ELK3: variants seen among roughly 807,000 people sequenced by gnomAD.
The protein encoded by ELK3 is ETS transcription factor ELK3, also known as ETS domain-containing protein Elk-3.
A neutral mutation model predicts 28.9 loss-of-function variants in ELK3; 10 were observed. The observed-to-expected ratio is 0.35, with a 90% confidence interval of 0.21 to 0.59. The LOEUF (loss-of-function observed/expected upper bound fraction) is 0.59, where lower values mean the gene tolerates loss of function less well. ELK3 is among the 20% of genes least tolerant of loss of function. The pLI, the probability that ELK3 is intolerant of heterozygous loss-of-function variation, is 0.82. For missense variants in ELK3, 463 were observed against 517.3 expected, an observed-to-expected ratio of 0.90 and a Z score of 1.02; for synonymous variants, 272 against 243.5, an observed-to-expected ratio of 1.12 and a Z score of -1.09.
At chr12:96,233,552 TCTTAA>T (rs375359832) in intron 2 of ELK3, among the ~76,000 whole-genome samples, 6 of 152,218 alleles carry the variant, frequency 3.9e-5, no homozygotes, top group Non-Finnish European at 5.9e-5. Flanking sequence ...CGCATCACCT[TCTTAA>T]CTTAATTGGA....
chr12:96,263,291 G>A (rs529030398), intron 4 of ELK3, among the ~76,000 whole-genome samples: 7 of 152,170 alleles, frequency 4.6e-5, no homozygotes, highest in African/African-American at 1.4e-4. Context: ...GAGAGGCACC[G>A]AAGACATTGT....
chr12:96,214,295 G>T (rs781492997), intron 1 of ELK3, among the ~76,000 whole-genome samples: 14 of 152,092 alleles, frequency 9.2e-5, no homozygotes, highest in Non-Finnish European at 1.3e-4. Flanking sequence ...GCCGGAGGCA[G>T]TGGTGTGCGC....
chr12:96,202,237 C>G (rs187919069), intron 1 of ELK3, among the ~76,000 whole-genome samples: 151 of 152,296 alleles, frequency 9.9e-4, no homozygotes, highest in African/African-American at 3.4e-3. Context: ...AAGACCAAAA[C>G]CCCTAACTCA....
intron 1 of ELK3, among the ~76,000 whole-genome samples, chr12:96,214,836 T>C (rs1336385046): frequency 6.6e-6 from 1 of 152,334 alleles, no homozygotes; most frequent in African/African-American, 2.4e-5. Context: ...TTCCAGTTCT[T>C]TGACTGAGGT....
chr12:96,198,837 T>C (rs1264190642), intron 1 of ELK3, among the ~76,000 whole-genome samples: 1 of 152,236 alleles, frequency 6.6e-6, no homozygotes, highest in East Asian at 1.9e-4. Flanking sequence ...AAGCACACTG[T>C]ACTTACTGTT....
At chr12:96,215,276 C>T (rs1324303127) in intron 1 of ELK3, among the ~76,000 whole-genome samples, 1 of 152,142 alleles carries the variant, frequency 6.6e-6, no homozygotes, top group Admixed American at 6.5e-5. Flanking sequence ...AATAAGTGGG[C>T]ATTTCGACTT....
At chr12:96,236,976 C>T (rs1951789476) in intron 2 of ELK3, among the ~76,000 whole-genome samples, 1 of 152,162 alleles carries the variant, frequency 6.6e-6, no homozygotes. Context: ...CTTGCAGCTG[C>T]CTCACTCCAG....
intron 4 of ELK3, among the ~76,000 whole-genome samples, chr12:96,261,331 A>G (rs1951991107): frequency 6.6e-6 from 1 of 152,146 alleles, no homozygotes; most frequent in South Asian, 2.1e-4. Context: ...CTTGAGCTAT[A>G]GTCATGTTGA....
intron 3 of ELK3, among the ~76,000 whole-genome samples, chr12:96,250,865 A>C (rs78222834): frequency 6.6e-6 from 1 of 152,194 alleles, no homozygotes; most frequent in African/African-American, 2.4e-5. Context: ...TGAAGGTACA[A>C]ATTCCGAAGG....
intron 2 of ELK3, among the ~76,000 whole-genome samples, chr12:96,230,502 A>G (rs1951733041): frequency 6.6e-6 from 1 of 152,166 alleles, no homozygotes; most frequent in Non-Finnish European, 1.5e-5. Context: ...CAGCACCTAG[A>G]TTCTGCAGCA....
intron 3 of ELK3, among the ~76,000 whole-genome samples, chr12:96,253,844 A>G (rs1025470076): frequency 3.9e-5 from 6 of 152,238 alleles, no homozygotes; most frequent in Non-Finnish European, 7.3e-5. Context: ...CTGAAAACTA[A>G]GCATTCGCTT....
At chr12:96,235,582 C>G (rs945344660) in intron 2 of ELK3, among the ~76,000 whole-genome samples, 5 of 152,138 alleles carry the variant, frequency 3.3e-5, no homozygotes, top group Non-Finnish European at 7.3e-5. Flanking sequence ...CCTACCTACC[C>G]CTCCTTTAGC....
At chr12:96,233,214 T>A (rs1200679244) in intron 2 of ELK3, among the ~76,000 whole-genome samples, 3 of 152,172 alleles carry the variant, frequency 2.0e-5, no homozygotes, top group Admixed American at 6.5e-5. Flanking sequence ...GGCAACTGTC[T>A]TTTGCTCACG....
At chr12:96,213,556 T>G (rs921773490) in intron 1 of ELK3, among the ~76,000 whole-genome samples, 12 of 152,188 alleles carry the variant, frequency 7.9e-5, no homozygotes, top group African/African-American at 2.9e-4. Context: ...AACGAAGCCA[T>G]CATTTACTAC....
intron 2 of ELK3, among the ~76,000 whole-genome samples, chr12:96,241,458 G>GTC (rs1167947294): frequency 6.6e-6 from 1 of 151,444 alleles, no homozygotes; most frequent in Non-Finnish European, 1.5e-5. Context: ...GTGTGTGTGT[G>GTC]TACATATGTA....
At position 96,207,709 on chromosome 12, in the gene ELK3, T is replaced by C. The variant is rs1194348357; in HGVS notation, c.-3+13004T>C. The stretch of plus-strand genomic sequence containing the variant: ...CATGAATACCAGTAACTCATAACCA[T>C]TTTTGCAAGAATACTGTATAGAGTG... On this transcript the variant is annotated intron_variant, in intron 1 of 4. Transcript: ENST00000228741. 2.6e-5 allele frequency among the ~76,000 whole-genome samples: 4 copies of C among 152,200 alleles called. No homozygotes were observed. The East Asian group carries it at 5.8e-4, about 22-fold the overall frequency.
At chr12:96,206,742 G>A (rs1271271497) in intron 1 of ELK3, among the ~76,000 whole-genome samples, 1 of 152,212 alleles carries the variant, frequency 6.6e-6, no homozygotes, top group Non-Finnish European at 1.5e-5. Flanking sequence ...GCCCAAGCCA[G>A]TGGATGGCAG....
intron 3 of ELK3, among the ~76,000 whole-genome samples, chr12:96,250,575 A>G (rs148821893): frequency 0.01 from 1,542 of 152,300 alleles, 46 homozygotes; most frequent in Admixed American, 0.061. Context: ...CGTGGCTCTC[A>G]ACAGCCAGGC....
At chr12:96,195,590 G>A (rs1023559795) in intron 1 of ELK3, among the ~76,000 whole-genome samples, 1 of 152,194 alleles carries the variant, frequency 6.6e-6, no homozygotes, top group Non-Finnish European at 1.5e-5. Flanking sequence ...GGGACAAGCT[G>A]CAGTTAGGCG....
Sources: allele counts gnomAD v4.1 joint callset (sites outside exome capture counted in the v4.1 genomes callset), GRCh38; gene constraint gnomAD v4.1.1; transcripts MANE v1.5; gene names NCBI Gene and HGNC (gene_info 2026-07-23, HGNC 2026-07-21).